The following KDM4C variants were observed in gnomAD, a reference collection of about 807,000 sequenced individuals.
KDM4C encodes lysine-specific demethylase 4C.
KDM4C carries 81 observed loss-of-function variants against 129.3 expected under a neutral mutation model. That is an observed-to-expected ratio of 0.63 (90% CI 0.52 to 0.75). The LOEUF (loss-of-function observed/expected upper bound fraction) is 0.75. Among genes scored for constraint, KDM4C ranks in the 30% least tolerant of loss-of-function variants. The pLI, the probability that KDM4C is intolerant of heterozygous loss-of-function variation, is 0.00. For synonymous variants in KDM4C, 573 were observed against 456.1 expected (o/e 1.26, Z -3.26); for missense variants, 1,457 against 1,304.0 (o/e 1.12, Z -1.81).
intron 15 of KDM4C, among the ~76,000 whole-genome samples, chr9:7,041,231 A>G (rs762259077): frequency 1.3e-5 from 2 of 151,494 alleles, no homozygotes; most frequent in Non-Finnish European, 3.0e-5. Context: ...TTGATACAGT[A>G]TAACAATTTA....
chr9:6,830,281 C>A (rs1834595037), intron 4 of KDM4C, among the ~76,000 whole-genome samples: 1 of 152,176 alleles, frequency 6.6e-6, no homozygotes, highest in African/African-American at 2.4e-5. Flanking sequence ...CTCTGGATTT[C>A]CAGTATTGCT....
chr9:6,797,505 C>T (rs892202999), intron 2 of KDM4C, among the ~76,000 whole-genome samples: 13 of 152,140 alleles, frequency 8.5e-5, no homozygotes, highest in African/African-American at 2.7e-4. Flanking sequence ...GGTCAGGTTG[C>T]GAAAGTGAAA....
In KDM4C at chr9:6,811,837, C is replaced by T. The variant is rs555945169; in HGVS notation, c.321-2794C>T. 7.0e-4 allele frequency among the ~76,000 whole-genome samples: 106 copies of T among 152,188 alleles called. 1 individual carries two copies. Among genetic ancestry groups the T allele is most frequent in the African/African-American group, 2.4e-3 (101 of 41,530 alleles). On this transcript the variant is annotated intron_variant, in intron 3 of 21. Transcript: ENST00000381309. ...TGGAGCTCACCTCTTAAGAACTGTA[C>T]TGCAATGAGTGAGAGGTTCTGGGTA... is the stretch of plus-strand genomic sequence containing the variant.
At position 7,122,261 on chromosome 9, in the gene KDM4C, A is replaced by ACTCT. The variant is rs747083483; in HGVS notation, c.2611-5804_2611-5803insTCTC. Among the ~76,000 whole-genome samples the ACTCT allele has an allele frequency of 6.5e-3, 888 of 137,180 alleles. 2 individuals carry two copies. The highest frequency in any genetic ancestry group is 0.029 in the Middle Eastern group (8 of 274). 90.0% of individuals were successfully genotyped at this position (137,180 alleles called of 152,430 possible). On this transcript the variant is annotated intron_variant, in intron 18 of 21. Coordinates refer to ENST00000381309, the MANE Select transcript of KDM4C (RefSeq NM_015061.6). Reference sequence around the variant, plus strand: ...ATGCCACACACACACACACACACACACACACTCTCTCTCTCTCTCTCTCTT... The same window carrying ACTCT: ...ATGCCACACACACACACACACACACACTCTCACACTCTCTCTCTCTCTCTCTCTT...
chr9:6,949,708 GGCGCGC>G (rs766207699), intron 8 of KDM4C, among the ~76,000 whole-genome samples: 2 of 152,290 alleles, frequency 1.3e-5, no homozygotes, highest in African/African-American at 4.8e-5. Flanking sequence ...CAGGCGTGGC[GGCGCGC>G]GCCTGCAATC....
intron 5 of KDM4C, among the ~76,000 whole-genome samples, chr9:6,868,756 G>A (rs1563729642): frequency 6.6e-6 from 1 of 151,914 alleles, no homozygotes; most frequent in East Asian, 1.9e-4. Context: ...TCGGTGTGGA[G>A]GGCTGACTGT....
At chr9:7,158,915 T>C (rs1843481001) in intron 19 of KDM4C, among the ~76,000 whole-genome samples, 1 of 152,210 alleles carries the variant, frequency 6.6e-6, no homozygotes, top group Admixed American at 6.5e-5. Context: ...TCTGTCTCGT[T>C]GATCTGTCTA....
In KDM4C at chr9:6,827,870, T is replaced by C. The variant is rs188537262; in HGVS notation, c.435+13125T>C. ...CATTTATCTGCTAGCATGTTATGGCTGCTCTTTAGTGAAGCAGGTCAGCTT... is the reference window on the plus strand; with the variant it reads ...CATTTATCTGCTAGCATGTTATGGCCGCTCTTTAGTGAAGCAGGTCAGCTT... On this transcript the variant is annotated intron_variant, in intron 4 of 21. Coordinates refer to ENST00000381309, the MANE Select transcript of KDM4C (RefSeq NM_015061.6). Among the ~76,000 whole-genome samples the C allele has an allele frequency of 2.9e-3, 437 of 152,366 alleles. 10 individuals carry two copies. Among genetic ancestry groups the C allele is most frequent in the Non-Finnish European group, 4.7e-4 (32 of 68,032 alleles).
chr9:7,036,077 A>C (rs949742267), intron 15 of KDM4C, among the ~76,000 whole-genome samples: 2 of 152,106 alleles, frequency 1.3e-5, no homozygotes, highest in Non-Finnish European at 2.9e-5. Context: ...GCCTTGGGTA[A>C]TACTGTCATT....
intron 2 of KDM4C, among the ~76,000 whole-genome samples, chr9:6,800,741 C>T (rs1828791857): frequency 6.6e-6 from 1 of 152,088 alleles, no homozygotes; most frequent in African/African-American, 2.4e-5. Context: ...GTCGCCCCAC[C>T]TCAGCCTCCC....
chr9:7,147,965 G>A (rs1051953860), intron 19 of KDM4C, among the ~76,000 whole-genome samples: 1 of 152,196 alleles, frequency 6.6e-6, no homozygotes, highest in African/African-American at 2.4e-5. Flanking sequence ...CATGCTACTG[G>A]CCCGGATCCC....
At chr9:7,047,352 A>T (rs1829549770) in intron 16 of KDM4C, among the ~76,000 whole-genome samples, 1 of 152,102 alleles carries the variant, frequency 6.6e-6, no homozygotes, top group Non-Finnish European at 1.5e-5. Flanking sequence ...TTACATTAGC[A>T]AATTTATGAG....
At chr9:6,812,377 C>T (rs1831318762) in intron 3 of KDM4C, among the ~76,000 whole-genome samples, 1 of 152,138 alleles carries the variant, frequency 6.6e-6, no homozygotes, top group African/African-American at 2.4e-5. Flanking sequence ...CTGCTATCTT[C>T]TCCTTTCTGA....
chr9:6,729,917 C>G lies in KDM4C; in HGVS notation c.49+8920C>G, dbSNP rs1000023956. Among the ~76,000 whole-genome samples, 16 of 133,976 alleles carry G rather than the reference C, an allele frequency of 1.2e-4. 2 individuals carry two copies. The highest frequency in any genetic ancestry group is 7.9e-5 in the Admixed American group (1 of 12,610). 87.9% of individuals were successfully genotyped at this position (133,976 alleles called of 152,430 possible). A position where few individuals can be genotyped will look rare whatever the true frequency, so the allele number is the denominator to read the frequency against. On this transcript the variant is annotated intron_variant, in intron 1 of 17. Transcript: ENST00000536108. ...CTGAGGTCAGGAGTTCAAGACCAGCCTGGCCAACATGGCGAAAATTAATCT... is the reference window on the plus strand; with the variant it reads ...CTGAGGTCAGGAGTTCAAGACCAGCGTGGCCAACATGGCGAAAATTAATCT...
intron 1 of KDM4C, among the ~76,000 whole-genome samples, chr9:6,773,808 T>C (rs1822418078): frequency 6.6e-6 from 1 of 152,012 alleles, no homozygotes; most frequent in South Asian, 2.1e-4. Context: ...GTAGATGTGT[T>C]ACTGGTTGTA....
At chr9:7,165,490 G>C in intron 20 of KDM4C, 133 bp downstream of exon 20, 2 of 1,023,214 alleles carry the variant, frequency 2.0e-6, no homozygotes, top group African/African-American at 1.6e-5. Context: ...AGGAGGCAAA[G>C]ATTCAATGTG....
At chr9:7,169,330 GTTTA>G (rs913064737) in intron 20 of KDM4C, among the ~76,000 whole-genome samples, 14 of 151,978 alleles carry the variant, frequency 9.2e-5, no homozygotes, top group African/African-American at 3.1e-4. Context: ...TTTGTATTTA[GTTTA>G]TTTATTTATT....
chr9:7,165,106 A>C lies in KDM4C; in HGVS notation c.2782-132A>C, dbSNP rs1377777131. On this transcript the variant is annotated intron_variant, in intron 19 of 21. Transcript: ENST00000381309. ...CTCATATCTCTTCCCCTGAACACCCATGCGAGATCATAATCCATAAAACAC... is the reference window on the plus strand; with the variant it reads ...CTCATATCTCTTCCCCTGAACACCCCTGCGAGATCATAATCCATAAAACAC... 3 of 1,054,870 alleles carry C rather than the reference A, an allele frequency of 2.8e-6. No individual in the cohort carries two copies. In the African/African-American group the frequency reaches 4.8e-5, roughly 17 times the overall value. The allele number at this position is 1,054,870 out of a possible 1,614,324, so 65.3% of individuals were successfully genotyped here.
chr9:6,997,697 C>T (rs149417080), intron 12 of KDM4C, among the ~76,000 whole-genome samples: 1 of 152,204 alleles, frequency 6.6e-6, no homozygotes, highest in Non-Finnish European at 1.5e-5. Context: ...GGTAAGCCCT[C>T]TCTCTGGCCT....
Sources: gnomAD v4.1 joint callset for allele counts (sites outside exome capture counted in the v4.1 genomes callset) on GRCh38, gnomAD v4.1.1 for gene constraint, MANE v1.5 for transcripts, NCBI Gene and HGNC (gene_info 2026-07-23, HGNC 2026-07-21) for gene names.